The following SHANK2 variants were observed in gnomAD, a reference collection of about 807,000 sequenced individuals.
SHANK2 encodes the protein SH3 and multiple ankyrin repeat domains 2, also known as SH3 and multiple ankyrin repeat domains protein 2.
SHANK2 carries 43 observed loss-of-function variants against 133.7 expected under a neutral mutation model. The ratio of observed to expected loss-of-function variants is 0.32; its 90% CI spans 0.25 to 0.41. The LOEUF is 0.41. Among genes scored for constraint, SHANK2 ranks in the 10% least tolerant of loss-of-function variants. SHANK2 has a pLI of 1.00. For missense variants in SHANK2, 1,994 were observed against 2,235.8 expected (o/e 0.89, Z 2.18); for synonymous variants, 1,017 against 952.8 (o/e 1.07, Z -1.24).
chr11:71,094,511 C>T (rs1555094901), intron 7 of SHANK2, 26 bp downstream of exon 7: 4 of 1,543,120 alleles, frequency 2.6e-6, no homozygotes, highest in Admixed American at 2.0e-5. Flanking sequence ...CGGGGTGGCA[C>T]CCAAGTAAGA....
intron 17 of SHANK2, among the ~76,000 whole-genome samples, chr11:70,578,861 G>T (rs1029716302): frequency 2.0e-5 from 3 of 152,166 alleles, no homozygotes; most frequent in African/African-American, 7.2e-5. Context: ...GATGCAATGA[G>T]CCCAGAGACC....
At chr11:70,754,994 G>A (rs1001020594) in intron 14 of SHANK2, among the ~76,000 whole-genome samples, 3 of 151,846 alleles carry the variant, frequency 2.0e-5, no homozygotes, top group East Asian at 1.9e-4. Context: ...AATAAGTAAC[G>A]ATACTAGTAA....
chr11:70,534,058 T>C (rs1328933987), intron 17 of SHANK2, among the ~76,000 whole-genome samples: 1 of 151,838 alleles, frequency 6.6e-6, no homozygotes, highest in Non-Finnish European at 1.5e-5. Flanking sequence ...GAAGGAGGAG[T>C]AAAGGCCAGT....
chr11:70,540,205 G>GT (rs1565112100), intron 17 of SHANK2, among the ~76,000 whole-genome samples: 1 of 152,176 alleles, frequency 6.6e-6, no homozygotes, highest in Non-Finnish European at 1.5e-5. Flanking sequence ...TTCCACAGCC[G>GT]TGAGTTATGG....
chr11:71,209,407 C>T (rs1954203011), intron 2 of SHANK2, among the ~76,000 whole-genome samples: 1 of 152,218 alleles, frequency 6.6e-6, no homozygotes, highest in Non-Finnish European at 1.5e-5. Flanking sequence ...GAGGGAGCTT[C>T]GGTTCGCAGG....
chr11:70,888,353 TCTC>T (rs782635174), intron 11 of SHANK2, among the ~76,000 whole-genome samples: 1 of 152,110 alleles, frequency 6.6e-6, no homozygotes, highest in Non-Finnish European at 1.5e-5. Flanking sequence ...AACTGCCTCC[TCTC>T]CTCTGTGCCT....
At chr11:70,784,439 C>T (rs1251702806) in intron 14 of SHANK2, among the ~76,000 whole-genome samples, 1 of 134,506 alleles carries the variant, frequency 7.4e-6, no homozygotes, top group African/African-American at 2.8e-5. Context: ...CCACTGCAAC[C>T]TCTGCCTCCT....
At chr11:70,834,916 G>T (rs1199044735) in intron 11 of SHANK2, among the ~76,000 whole-genome samples, 2 of 152,058 alleles carry the variant, frequency 1.3e-5, no homozygotes, top group African/African-American at 2.4e-5. Context: ...GGGGCTGGGG[G>T]TGTAACTCCA....
intron 17 of SHANK2, among the ~76,000 whole-genome samples, chr11:70,613,916 C>T (rs1422679981): frequency 6.6e-6 from 1 of 152,056 alleles, no homozygotes; most frequent in Non-Finnish European, 1.5e-5. Context: ...AGGCACGCAC[C>T]ACCATGCCCA....
At chr11:70,626,104 G>A (rs2060901940) in intron 17 of SHANK2, among the ~76,000 whole-genome samples, 1 of 152,114 alleles carries the variant, frequency 6.6e-6, no homozygotes, top group African/African-American at 2.4e-5. Flanking sequence ...CCGCACACAC[G>A]GTTGCTAAGA....
intron 11 of SHANK2, among the ~76,000 whole-genome samples, chr11:70,837,708 C>T (rs782597889): frequency 1.3e-5 from 2 of 152,144 alleles, no homozygotes; most frequent in Admixed American, 6.5e-5. Flanking sequence ...GGCACGGTGG[C>T]TCATGCCTGT....
chr11:70,804,066 C>G lies in SHANK2; in HGVS notation c.1663+2936G>C, dbSNP rs554802572. On this transcript the variant is annotated intron_variant, in intron 13 of 25. Coordinates refer to ENST00000601538, the MANE Select transcript of SHANK2 (RefSeq NM_012309.5). The surrounding 1 kb of genome is among the most constrained non-coding windows in gnomAD (Gnocchi z 4.1). ...CCACCCTGGGGCCCGTCACAGCCAC[C>G]CTGCCTGCCTGCTGCCCAGACCCGA... Among the ~76,000 whole-genome samples, 55 of 152,182 alleles carry G rather than the reference C, an allele frequency of 3.6e-4. 1 individual carries two copies. Among genetic ancestry groups the G allele is most frequent in the South Asian group, 3.1e-3 (15 of 4,810 alleles).
At chr11:70,552,359 C>T (rs782734695) in intron 17 of SHANK2, among the ~76,000 whole-genome samples, 5 of 152,122 alleles carry the variant, frequency 3.3e-5, no homozygotes, top group African/African-American at 9.7e-5. Context: ...CCAGCAGGGC[C>T]CTGGAACACT....
intron 17 of SHANK2, among the ~76,000 whole-genome samples, chr11:70,590,627 ACTCGCCGAAGG>A (rs1430136270): frequency 6.6e-6 from 1 of 152,214 alleles, no homozygotes; most frequent in Non-Finnish European, 1.5e-5. Context: ...AATTATGATG[ACTCGCCGAAGG>A]CTCTGATGAT....
At chr11:71,117,452 T>C (rs1951998647) in intron 4 of SHANK2, among the ~76,000 whole-genome samples, 1 of 152,200 alleles carries the variant, frequency 6.6e-6, no homozygotes, top group African/African-American at 2.4e-5. Context: ...TAAGAGTATC[T>C]CTGGAGCACT....
intron 14 of SHANK2, among the ~76,000 whole-genome samples, chr11:70,787,780 C>T (rs1266543916): frequency 6.6e-6 from 1 of 152,174 alleles, no homozygotes; most frequent in African/African-American, 2.4e-5. Flanking sequence ...GCTGGCTGAC[C>T]CTGGGGATGC....
rs116989731 is a variant in SHANK2 at position 70,700,748 on chromosome 11, A to T, written c.1778-1985T>A. ...AGGGATTAGAAGAATTCAGCAGGGC[A>T]GGGCCTCAGGATCCCGGGGATGGGG... On this transcript the variant is annotated intron_variant, in intron 14 of 25. Transcript: ENST00000601538. Among the ~76,000 whole-genome samples, 741 of 152,322 alleles carry T rather than the reference A, an allele frequency of 4.9e-3. 4 individuals carry two copies. The highest frequency in any genetic ancestry group is 7.8e-3 in the Non-Finnish European group (529 of 68,026).
chr11:70,711,112 A>G (rs1945772694), intron 14 of SHANK2, among the ~76,000 whole-genome samples: 2 of 152,124 alleles, frequency 1.3e-5, no homozygotes, highest in African/African-American at 4.8e-5. Flanking sequence ...TTCACTCTTC[A>G]TCCCAAAGAG....
intron 1 of SHANK2, among the ~76,000 whole-genome samples, chr11:71,243,299 G>A (rs577558758): frequency 1.8e-4 from 28 of 152,262 alleles, no homozygotes; most frequent in East Asian, 5.8e-4. Flanking sequence ...AAAGATCAAC[G>A]AAATTTACAA....
Sources: allele counts gnomAD v4.1 joint callset (sites outside exome capture counted in the v4.1 genomes callset), GRCh38; gene constraint gnomAD v4.1.1; non-coding constraint Gnocchi (gnomAD v3.1); transcripts MANE v1.5; gene names NCBI Gene and HGNC (gene_info 2026-07-23, HGNC 2026-07-21).